Variants in SLC36A4 observed in about 807,000 individuals in gnomAD.
The protein encoded by SLC36A4 is neutral amino acid uniporter 4.
A neutral mutation model predicts 50.5 loss-of-function variants in SLC36A4; 49 were observed. That is an observed-to-expected ratio of 0.97 (90% CI 0.77 to 1.23). The LOEUF is 1.23. SLC36A4 is among the 50% of genes most tolerant of loss of function. The pLI is 0.00. For missense variants in SLC36A4, 611 were observed against 608.4 expected (o/e 1.00, Z -0.05); for synonymous variants, 207 against 206.5 (o/e 1.00, Z -0.02).
chr11:93,183,760 C>T (rs1861848474), intron 3 of SLC36A4, among the ~76,000 whole-genome samples: 2 of 151,614 alleles, frequency 1.3e-5, no homozygotes, highest in Admixed American at 6.6e-5. Flanking sequence ...TGCAGTGGCG[C>T]AATCTCAGCT....
chr11:93,197,854 C>T lies in SLC36A4; in HGVS notation c.-22G>A, dbSNP rs1304814636. The T allele has an allele frequency of 1.3e-6, 2 of 1,539,936 alleles. No homozygotes were observed. The highest frequency in any genetic ancestry group is 1.7e-6 in the Non-Finnish European group (2 of 1,150,602). ...CCATCTCTCGCGGGTCTCCAGGACG[C>T]CGCCGCCCGAGTGCTCACTCTCCCG... On this transcript the variant is annotated 5_prime_UTR_variant, in exon 1 of 11. Transcript: ENST00000326402.
At chr11:93,159,220 T>A (rs941589921) in intron 9 of SLC36A4, among the ~76,000 whole-genome samples, 3 of 152,144 alleles carry the variant, frequency 2.0e-5, no homozygotes, top group African/African-American at 7.2e-5. Context: ...GTATTTTTAA[T>A]AATTATTTTT....
chr11:93,168,440 A>T (rs1008515107), intron 6 of SLC36A4, among the ~76,000 whole-genome samples: 1 of 152,054 alleles, frequency 6.6e-6, no homozygotes, highest in Non-Finnish European at 1.5e-5. Context: ...GAAAATTATA[A>T]TGATAGATTT....
chr11:93,196,505 T>C (rs928778740), intron 1 of SLC36A4, among the ~76,000 whole-genome samples: 2 of 152,186 alleles, frequency 1.3e-5, no homozygotes, highest in Admixed American at 6.5e-5. Context: ...TAGCTGGGAC[T>C]ACAGGCGCCC....
chr11:93,191,691 A>G (rs1175124897), intron 1 of SLC36A4, among the ~76,000 whole-genome samples: 2 of 152,200 alleles, frequency 1.3e-5, no homozygotes, highest in Non-Finnish European at 2.9e-5. Context: ...TCCTGGCACA[A>G]TAGACTCTCA....
At chr11:93,185,558 A>G in intron 2 of SLC36A4, 133 bp downstream of exon 2, 1 of 778,706 alleles carries the variant, frequency 1.3e-6, no homozygotes, top group South Asian at 2.6e-5. Context: ...AATAGACTAT[A>G]AACTCATTGA....
At chr11:93,191,500 T>G (rs1045797343) in intron 1 of SLC36A4, among the ~76,000 whole-genome samples, 1 of 152,184 alleles carries the variant, frequency 6.6e-6, no homozygotes, top group Admixed American at 6.5e-5. Context: ...CTGGCTCAGA[T>G]TCAAGAAAGA....
chr11:93,155,392 T>C (rs1193142480), intron 9 of SLC36A4: 1 of 152,080 alleles, frequency 6.6e-6, no homozygotes, highest in Non-Finnish European at 1.5e-5. Context: ...GAAGAGTGTT[T>C]TCTTTCTTAC....
chr11:93,168,468 C>G (rs899961857), intron 6 of SLC36A4, among the ~76,000 whole-genome samples: 4 of 151,916 alleles, frequency 2.6e-5, no homozygotes, highest in African/African-American at 9.7e-5. Flanking sequence ...TATTCTGAAG[C>G]TTTGTGACTA....
At chr11:93,169,668 G>A (rs1313093214) in intron 6 of SLC36A4, among the ~76,000 whole-genome samples, 1 of 152,034 alleles carries the variant, frequency 6.6e-6, no homozygotes, top group Non-Finnish European at 1.5e-5. Flanking sequence ...TGGACTAACA[G>A]ACTCTCAAGT....
At chr11:93,162,598 A>G in intron 9 of SLC36A4, 108 bp downstream of exon 9, 2 of 981,928 alleles carry the variant, frequency 2.0e-6, no homozygotes, top group African/African-American at 3.4e-5. Flanking sequence ...AAATCACAGT[A>G]AAAATTTTAA....
rs373492963 is a variant in SLC36A4, at chr11:93,162,819, A to G, written c.924T>C (p.Asn308=). Residue 308 remains asparagine (N), a synonymous_variant, in exon 9 of 11, where the codon AAT becomes AAC. Transcript: ENST00000326402. Reference sequence around the variant, plus strand: ...AAGTTGTAACAATCCCCATGCCAATATTCAACGCTTGAGGGAAACGCTTTG... The same window carrying G: ...AAGTTGTAACAATCCCCATGCCAATGTTCAACGCTTGAGGGAAACGCTTTG... ...KESKRFPQAL[N]IGMGIVTTLY... 4 of 1,613,784 alleles carry G rather than the reference A, an allele frequency of 2.5e-6. No individual in the cohort carries two copies. The African/African-American group carries it at 5.3e-5, about 22-fold the overall frequency.
At chr11:93,149,411 T>G (rs1859973498) in intron 10 of SLC36A4, among the ~76,000 whole-genome samples, 1 of 151,994 alleles carries the variant, frequency 6.6e-6, no homozygotes, top group South Asian at 2.1e-4. Flanking sequence ...TTCAAGATAC[T>G]TATTAATTAT....
chr11:93,197,672 T>C, intron 1 of SLC36A4, 106 bp downstream of exon 1: 1 of 1,263,374 alleles, frequency 7.9e-7, no homozygotes, highest in Non-Finnish European at 1.1e-6. Context: ...CAATCGGGCC[T>C]CAACTCAGGC....
chr11:93,159,527 G>A (rs1860524320), intron 9 of SLC36A4, among the ~76,000 whole-genome samples: 1 of 152,090 alleles, frequency 6.6e-6, no homozygotes, highest in South Asian at 2.1e-4. Context: ...TGAGAATCTT[G>A]AGGATTTAGC....
intron 6 of SLC36A4, chr11:93,170,341 C>T (rs1036173294): frequency 1.3e-5 from 2 of 152,018 alleles, no homozygotes; most frequent in Non-Finnish European, 2.9e-5. Context: ...AATTAAAATT[C>T]CAACAGCAGA....
Position 93,144,283 on chromosome 11 carries a change from T to C in SLC36A4, c.*4254A>G, listed in dbSNP as rs551890277. 7.9e-5 allele frequency: 12 copies of C among 152,220 alleles called. No individual in the cohort carries two copies. Among genetic ancestry groups the C allele is most frequent in the Admixed American group, 2.0e-4 (3 of 15,262 alleles). 9.4% of individuals were successfully genotyped at this position (152,220 alleles called of 1,614,324 possible). On this transcript the variant is annotated 3_prime_UTR_variant, in exon 11 of 11. Coordinates refer to ENST00000326402, the MANE Select transcript of SLC36A4 (RefSeq NM_152313.4). ...GTTAAAAGAATTGACTTGAATGTTATATTTAGGTTTCATTCAAACTAACAA... is the reference window on the plus strand; with the variant it reads ...GTTAAAAGAATTGACTTGAATGTTACATTTAGGTTTCATTCAAACTAACAA...
At chr11:93,178,884 T>G (rs562221047) in intron 6 of SLC36A4, among the ~76,000 whole-genome samples, 8 of 152,154 alleles carry the variant, frequency 5.3e-5, no homozygotes, top group Non-Finnish European at 1.2e-4. Context: ...GGCATCCAAA[T>G]TGGTAAAGAG....
Position 93,181,700 on chromosome 11 carries a change from G to T in SLC36A4, c.446C>A (p.Ala149Glu). The change falls in exon 5 of 11, where the codon GCA (alanine) becomes GAA (glutamate). Residue 149 changes from alanine (A) to glutamate (E), a missense_variant. Transcript: ENST00000326402. ...CAGAGTAAGTACTTACCGCCCCCAT[G>T]CTGCTTGCTTCTGAAGACAACTCCA... ...SPWSCLQKQA[A>E]WGRSVVDFFL... 6.5e-7 allele frequency: 1 copy of T among 1,532,228 alleles called. No individual in the cohort carries two copies. Among genetic ancestry groups the T allele is most frequent in the Non-Finnish European group, 8.8e-7 (1 of 1,134,820 alleles). 94.9% of individuals were successfully genotyped at this position (1,532,228 alleles called of 1,614,324 possible).
Sources: gnomAD v4.1 joint callset for allele counts (sites outside exome capture counted in the v4.1 genomes callset) on GRCh38, gnomAD v4.1.1 for gene constraint, MANE v1.5 for transcripts, NCBI Gene and HGNC (gene_info 2026-07-23, HGNC 2026-07-21) for gene names.